AGO2: variants seen among roughly 807,000 people sequenced by gnomAD.
AGO2 encodes the protein protein argonaute-2.
AGO2 carries 5 observed loss-of-function variants against 102.3 expected under a neutral mutation model. The observed-to-expected ratio is 0.05, with a 90% CI of 0.03 to 0.10. The LOEUF is 0.10. AGO2 is among the 10% of genes least tolerant of loss of function. AGO2 has a pLI of 1.00. For missense variants in AGO2, 541 were observed against 1,183.7 expected, an observed-to-expected ratio of 0.46 and a Z score of 7.97; for synonymous variants, 449 against 473.1, an observed-to-expected ratio of 0.95 and a Z score of 0.66.
intron 2 of AGO2, among the ~76,000 whole-genome samples, chr8:140,582,395 T>C (rs2133003953): frequency 6.6e-6 from 1 of 152,352 alleles, no homozygotes; most frequent in Admixed American, 6.5e-5. Flanking sequence ...CATTGGAGCA[T>C]TTTGGGTGTC....
chr8:140,575,307 C>T (rs925758434), intron 2 of AGO2, among the ~76,000 whole-genome samples: 1 of 150,998 alleles, frequency 6.6e-6, no homozygotes, highest in African/African-American at 2.4e-5. Context: ...CACAATCTCA[C>T]CTGGCACCTC....
At chr8:140,595,003 G>A (rs1297025915) in intron 1 of AGO2, among the ~76,000 whole-genome samples, 1 of 152,202 alleles carries the variant, frequency 6.6e-6, no homozygotes, top group East Asian at 1.9e-4. Context: ...ACTGGATAGT[G>A]CATGAGAAAA....
intron 16 of AGO2, among the ~76,000 whole-genome samples, chr8:140,536,620 C>T (rs532313286): frequency 4.6e-5 from 7 of 152,346 alleles, no homozygotes; most frequent in African/African-American, 1.7e-4. Context: ...CCAGCGCATC[C>T]GGCCCTAATA....
At chr8:140,590,456 T>G (rs956623010) in intron 1 of AGO2, among the ~76,000 whole-genome samples, 27 of 151,632 alleles carry the variant, frequency 1.8e-4, no homozygotes, top group Non-Finnish European at 5.9e-5. Context: ...ACAGAACCCA[T>G]CCAAATACGG....
rs374620607 is a variant in AGO2 at position 140,604,964 on chromosome 8, C to T, written c.23-19653G>A. On this transcript the variant is annotated intron_variant, in intron 1 of 18. Coordinates refer to ENST00000220592, the MANE Select transcript of AGO2 (RefSeq NM_012154.5). ...AGACTCCTCATCTTTCAGAGACATA[C>T]ACTTAAGTATCTCTGCATAAACGTG... 2.6e-5 allele frequency among the ~76,000 whole-genome samples: 4 copies of T among 152,306 alleles called. No individual in the cohort carries two copies. In the South Asian group the frequency reaches 6.2e-4, roughly 24 times the overall value.
chr8:140,617,898 C>T (rs956999618), intron 1 of AGO2, among the ~76,000 whole-genome samples: 3 of 152,016 alleles, frequency 2.0e-5, no homozygotes, highest in Non-Finnish European at 2.9e-5. Flanking sequence ...CCTGTAGTCC[C>T]AGCTACTCAA....
Position 140,557,897 on chromosome 8 carries a change from C to G in AGO2, c.878+588G>C, listed in dbSNP as rs945812114. Among the ~76,000 whole-genome samples, 10 of 152,234 alleles carry G rather than the reference C, an allele frequency of 6.6e-5. No homozygotes were observed. Among genetic ancestry groups the G allele is most frequent in the Middle Eastern group, 3.2e-3 (1 of 316 alleles). On this transcript the variant is annotated intron_variant, in intron 7 of 18. Transcript: ENST00000220592. The surrounding 1 kb of genome is among the most constrained non-coding windows in gnomAD (Gnocchi z 5.9). ...TCTCGTCCTTCTGCTCCCTCAGCCA[C>G]GGGCATCTTGGTACCTCCAGTGCCT...
Position 140,557,760 on chromosome 8 carries a change from G to A in AGO2, c.879-524C>T, listed in dbSNP as rs1193871689. Among the ~76,000 whole-genome samples, 3 of 152,182 alleles carry A rather than the reference G, an allele frequency of 2.0e-5. No individual in the cohort carries two copies. Among genetic ancestry groups the A allele is most frequent in the African/African-American group, 4.8e-5 (2 of 41,442 alleles). ...GGCCTCTGTGTGGGGATGAGGGCAC[G>A]GGGGCTGCTAGTGCAGGGCAAAGGG... On this transcript the variant is annotated intron_variant, in intron 7 of 18. Transcript: ENST00000220592. This position sits in a 1 kb window ranked among gnomAD's most constrained non-coding sequence, Gnocchi z 5.9.
chr8:140,535,215 C>T (rs1163788878), intron 17 of AGO2, among the ~76,000 whole-genome samples: 1 of 152,214 alleles, frequency 6.6e-6, no homozygotes, highest in Admixed American at 6.5e-5. Context: ...CCCCAAGGCC[C>T]TTGGTGCTCC....
chr8:140,638,502 C>T (rs1181318636), upstream of AGO2, among the ~76,000 whole-genome samples: 1 of 152,216 alleles, frequency 6.6e-6, no homozygotes, highest in Non-Finnish European at 1.5e-5. Flanking sequence ...CGAGGTACCT[C>T]AAGGTTCCGT....
intron 1 of AGO2, among the ~76,000 whole-genome samples, chr8:140,603,284 G>C (rs889452253): frequency 6.6e-6 from 1 of 152,206 alleles, no homozygotes; most frequent in African/African-American, 2.4e-5. Flanking sequence ...CGGAGTGCGT[G>C]GTGCCTCCAC....
chr8:140,520,768 A>G lies in AGO2; in HGVS notation c.*11276T>C, dbSNP rs1430586940. 6.6e-6 allele frequency: 1 copy of G among 152,018 alleles called. No individual in the cohort carries two copies. Among genetic ancestry groups the G allele is most frequent in the Admixed American group, 6.5e-5 (1 of 15,268 alleles). 9.4% of individuals were successfully genotyped at this position (152,018 alleles called of 1,614,324 possible). A position where few individuals can be genotyped will look rare whatever the true frequency, so the allele number is the denominator to read the frequency against. ...ATAAGTTATCCAACCTCTTGATGAC[A>G]TGGAGAAATGAATTAAGAAAGCAGC... On this transcript the variant is annotated 3_prime_UTR_variant, in exon 19 of 19. Transcript: ENST00000220592.
chr8:140,595,475 T>A (rs899824721), intron 1 of AGO2, among the ~76,000 whole-genome samples: 5 of 150,884 alleles, frequency 3.3e-5, no homozygotes, highest in Non-Finnish European at 7.4e-5. Flanking sequence ...TTTATTATTT[T>A]ATCTTATGAG....
At position 140,532,089 on chromosome 8, in the gene AGO2, C is replaced by T. The variant is rs559690750; in HGVS notation, c.2535G>A (p.Ala845=). Residue 845 remains alanine (A), a synonymous_variant, in exon 19 of 19, where the codon GCG becomes GCA. Transcript: ENST00000220592. ...NGRDHQALAK[A]VQVHQDTLRT... ...GCAGAGTGTCTTGGTGAACCTGGACCGCCTTGGCCAGTGCTTGGTGGTCTC... is the reference window on the plus strand; with the variant it reads ...GCAGAGTGTCTTGGTGAACCTGGACTGCCTTGGCCAGTGCTTGGTGGTCTC... 37 of 1,614,114 alleles carry T rather than the reference C, an allele frequency of 2.3e-5. 1 individual carries two copies. The highest frequency in any genetic ancestry group is 2.2e-4 in the East Asian group (10 of 44,886).
At position 140,526,605 on chromosome 8, in the gene AGO2, C is replaced by T. The variant is rs2072510810; in HGVS notation, c.*5439G>A. 1.3e-5 allele frequency: 2 copies of T among 152,184 alleles called. No homozygotes were observed. The highest frequency in any genetic ancestry group is 1.3e-4 in the Admixed American group (2 of 15,280). 9.4% of individuals were successfully genotyped at this position (152,184 alleles called of 1,614,324 possible). A position where few individuals can be genotyped will look rare whatever the true frequency, so the allele number is the denominator to read the frequency against. On this transcript the variant is annotated 3_prime_UTR_variant, in exon 19 of 19. Transcript: ENST00000220592. This position sits in a 1 kb window ranked among gnomAD's most constrained non-coding sequence, Gnocchi z 5.2. ...GCTGTTTTCAGTGTGGACAGCTACACTTAAGAGCAAACATGATGAATCTAT... is the reference window on the plus strand; with the variant it reads ...GCTGTTTTCAGTGTGGACAGCTACATTTAAGAGCAAACATGATGAATCTAT...
intron 1 of AGO2, among the ~76,000 whole-genome samples, chr8:140,597,315 C>T (rs2073859793): frequency 6.6e-6 from 1 of 152,250 alleles, no homozygotes; most frequent in African/African-American, 2.4e-5. Context: ...CCCAGCCTCT[C>T]CAGTGCCAAC....
In AGO2 at chr8:140,524,406, C is replaced by G. The variant is rs911794263; in HGVS notation, c.*7638G>C. ...TGGTCAGGGTATGGGAGAAACCACA[C>G]GACTGGAACCAAGTGTTTTCCGCAA... On this transcript the variant is annotated 3_prime_UTR_variant, in exon 19 of 19. Coordinates refer to ENST00000220592, the MANE Select transcript of AGO2 (RefSeq NM_012154.5). The G allele has an allele frequency of 2.2e-4, 34 of 152,252 alleles. No homozygotes were observed. The highest frequency in any genetic ancestry group is 8.0e-4 in the African/African-American group (33 of 41,450). The allele number at this position is 152,252 out of a possible 1,614,324, so 9.4% of individuals were successfully genotyped here.
intron 6 of AGO2, 37 bp downstream of exon 6, chr8:140,559,358 C>A (rs201218574): frequency 1.2e-6 from 2 of 1,607,296 alleles, no homozygotes; most frequent in Non-Finnish European, 1.7e-6. Context: ...AAGGGGCCTC[C>A]CAGCCCTCAG....
intron 1 of AGO2, among the ~76,000 whole-genome samples, chr8:140,624,353 G>A (rs1269170795): frequency 1.3e-5 from 2 of 152,210 alleles, no homozygotes; most frequent in South Asian, 2.1e-4. Flanking sequence ...CACACTGCAC[G>A]CACCTCAGGG....
Sources: allele counts gnomAD v4.1 joint callset (sites outside exome capture counted in the v4.1 genomes callset), GRCh38; gene constraint gnomAD v4.1.1; non-coding constraint Gnocchi (gnomAD v3.1); transcripts MANE v1.5; gene names NCBI Gene and HGNC (gene_info 2026-07-23, HGNC 2026-07-21).